The following CPSF1 variants were observed in gnomAD, a reference collection of about 807,000 sequenced individuals.
CPSF1 encodes the protein cleavage and polyadenylation specific factor 1.
CPSF1 carries 106 observed loss-of-function variants against 175.8 expected under a neutral mutation model. The ratio of observed to expected loss-of-function variants is 0.60; its 90% CI spans 0.52 to 0.71. CPSF1 has a LOEUF of 0.71. CPSF1 is among the 30% of genes least tolerant of loss of function. CPSF1 has a pLI of 0.00. For missense variants in CPSF1, 1,734 were observed against 2,022.9 expected, an observed-to-expected ratio of 0.86 and a Z score of 2.74; for synonymous variants, 1,024 against 858.3, an observed-to-expected ratio of 1.19 and a Z score of -3.37.
chr8:144,400,633 G>C (rs2116876794), intron 7 of CPSF1, 38 bp downstream of exon 7: 1 of 1,595,904 alleles, frequency 6.3e-7, no homozygotes, highest in South Asian at 1.1e-5. Context: ...GGCAGCTAGG[G>C]GGCCCACAGT....
Position 144,399,520 on chromosome 8 carries a change from G to A in CPSF1, c.1243-17C>T, listed in dbSNP as rs1554865584. ...AGGCTCTTCCTGTGAGGCAGGAGGG[G>A]CACTGAGTGGCATGCCACAGCAGTG... On this transcript the variant is annotated splice_polypyrimidine_tract_variant and intron_variant, in intron 12 of 37. Coordinates refer to ENST00000616140, the MANE Select transcript of CPSF1 (RefSeq NM_013291.3). This position sits in a 1 kb window ranked among gnomAD's most constrained non-coding sequence, Gnocchi z 6.4. 3 of 1,612,336 alleles carry A rather than the reference G, an allele frequency of 1.9e-6. No homozygotes were observed. The highest frequency in any genetic ancestry group is 2.5e-6 in the Non-Finnish European group (3 of 1,179,656).
In CPSF1 at chr8:144,394,305, G is replaced by C. The variant is rs782679906; in HGVS notation, c.3745-5C>G. The C allele has an allele frequency of 6.3e-7, 1 of 1,586,854 alleles. No individual in the cohort carries two copies. Among genetic ancestry groups the C allele is most frequent in the Non-Finnish European group, 8.6e-7 (1 of 1,164,624 alleles). On this transcript the variant is annotated splice_region_variant and splice_polypyrimidine_tract_variant and intron_variant, in intron 32 of 37. Transcript: ENST00000616140. ...CACCTCCAGGGGCTTGGCATCCTGG[G>C]GGCGGGAAGGGGGCGTCAGAGGTGC...
rs1361022519 is a variant in CPSF1, at chr8:144,401,266, C to A, written c.332G>T (p.Gly111Val). The change falls in exon 5 of 38, where the codon GGC becomes GTC. Residue 111 changes from glycine to valine, a missense_variant. Coordinates refer to ENST00000616140, the MANE Select transcript of CPSF1 (RefSeq NM_013291.3). ...AKLSVVEYDP[G>V]THDLKTLSLH... is the part of the protein sequence containing the mutation. ...TGACAGGGTCTTCAGGTCATGGGTGCCCGGGTCGTACTCCACCACAGACAG... is the reference window on the plus strand; with the variant it reads ...TGACAGGGTCTTCAGGTCATGGGTGACCGGGTCGTACTCCACCACAGACAG... 1 of 1,554,068 alleles carries A rather than the reference C, an allele frequency of 6.4e-7. No individual in the cohort carries two copies. The highest frequency in any genetic ancestry group is 8.7e-7 in the Non-Finnish European group (1 of 1,148,882).
intron 23 of CPSF1, 43 bp downstream of exon 23, chr8:144,397,164 C>T (rs1820825888): frequency 6.7e-7 from 1 of 1,496,900 alleles, no homozygotes; most frequent in Non-Finnish European, 8.9e-7. Context: ...CGGGCAGGGC[C>T]AGGGGGAAGA....
Position 144,393,351 on chromosome 8 carries a change from CA to C in CPSF1, c.4298del (p.Leu1433CysfsTer?). On this transcript the variant is annotated frameshift_variant, in exon 38 of 38. Transcript: ENST00000616140. LOFTEE classifies it high-confidence loss of function. The stretch of plus-strand genomic sequence containing the variant: ...GGGCGGTGACGCGGTCCGTCTCCAG[CA>C]AGTCGTCCAGGATCTGCAGGGGATG... ...GTTPDIILDD[L>X]LETDRVTAHF 7.0e-7 allele frequency: 1 copy of C among 1,433,300 alleles called. No individual in the cohort carries two copies. The highest frequency in any genetic ancestry group is 9.3e-7 in the Non-Finnish European group (1 of 1,079,764). 88.8% of individuals were successfully genotyped at this position (1,433,300 alleles called of 1,614,324 possible). A position where few individuals can be genotyped will look rare whatever the true frequency, so the allele number is the denominator to read the frequency against.
At position 144,393,881 on chromosome 8, in the gene CPSF1, A is replaced by G; in HGVS notation, c.4015+2T>C. 1 of 1,608,884 alleles carries G rather than the reference A, an allele frequency of 6.2e-7. No individual in the cohort carries two copies. Among genetic ancestry groups the G allele is most frequent in the Non-Finnish European group, 8.5e-7 (1 of 1,178,110 alleles). ...CAGACACACCTGCTCCCCCACACTC[A>G]CCAAACCACGTGATGTGCTTATTCT... On this transcript the variant is annotated splice_donor_variant, in intron 35 of 37. Coordinates refer to ENST00000616140, the MANE Select transcript of CPSF1 (RefSeq NM_013291.3). LOFTEE classifies it high-confidence loss of function.
Position 144,398,807 on chromosome 8 carries a change from G to A in CPSF1, c.1610C>T (p.Thr537Ile), listed in dbSNP as rs1554865187. 1.9e-6 allele frequency: 3 copies of A among 1,606,976 alleles called. No individual in the cohort carries two copies. Among genetic ancestry groups the A allele is most frequent in the African/African-American group, 1.3e-5 (1 of 74,952 alleles). ...FELPGCYDMW[T>I]VIAPVRKEEE... is the part of the protein sequence containing the mutation. ...CTCCTTACGCACCGGGGCGATGACT[G>A]TCCACATGTCATAGCAGCCGGGAAG... Residue 537 changes from threonine to isoleucine, a missense_variant, in exon 17 of 38, where the codon ACA becomes ATA. Physicochemically the swap from Thr to Ile is moderately conservative, Grantham distance 89. This residue lies in a region of CPSF1 where 280 missense variants were observed against 349.2 expected (regional missense o/e 0.80). Coordinates refer to ENST00000616140, the MANE Select transcript of CPSF1 (RefSeq NM_013291.3).
intron 2 of CPSF1, among the ~76,000 whole-genome samples, chr8:144,406,653 A>C (rs1031289006): frequency 5.3e-5 from 8 of 152,168 alleles, no homozygotes; most frequent in Non-Finnish European, 1.2e-4. Flanking sequence ...ACTCTTGCAC[A>C]CACCCTCCTG....
rs782241554 is a variant in CPSF1, at chr8:144,393,656, C to G, written c.4145+11G>C. The G allele has an allele frequency of 1.8e-5, 28 of 1,565,040 alleles. No homozygotes were observed. Among genetic ancestry groups the G allele is most frequent in the African/African-American group, 2.7e-5 (2 of 74,398 alleles). Reference sequence around the variant, plus strand: ...GAGGGGGTGCTGCACGGGGGCGGGGCCGGGGCTCACCGGAAGGCGCGGGGG... The same window carrying G: ...GAGGGGGTGCTGCACGGGGGCGGGGGCGGGGCTCACCGGAAGGCGCGGGGG... On this transcript the variant is annotated intron_variant, in intron 36 of 37. Transcript: ENST00000616140.
rs76611928 is a variant in CPSF1, at chr8:144,397,646, G to A, written c.2226C>T (p.Asp742=). 3.6e-4 allele frequency: 556 copies of A among 1,533,526 alleles called. 4 individuals carry two copies. The East Asian group carries it at 0.01, about 28-fold the overall frequency. 95.0% of individuals were successfully genotyped at this position (1,533,526 alleles called of 1,614,324 possible). Residue 742 remains aspartate (D), a synonymous_variant, in exon 22 of 38, where the codon GAC becomes GAT. Transcript: ENST00000616140. The part of the protein sequence containing the change: ...LGSETSPTVD[D]EEEMLYGDSG... ...AATCCCCATACAGCATCTCCTCCTC[G>A]TCATCCACTGTGGGGCTGGGGGCCA...
chr8:144,397,544 G>A lies in CPSF1; in HGVS notation c.2328C>T (p.Pro776=), dbSNP rs1820847633. 1 of 1,564,398 alleles carries A rather than the reference G, an allele frequency of 6.4e-7. No individual in the cohort carries two copies. Among genetic ancestry groups the A allele is most frequent in the South Asian group, 1.2e-5 (1 of 83,664 alleles). ...ACCAGTGGGTAGGCTCTGCCCGGAAGGGTGCAGGGTCCCGGTCAGCAGGGG... is the reference window on the plus strand; with the variant it reads ...ACCAGTGGGTAGGCTCTGCCCGGAAAGGTGCAGGGTCCCGGTCAGCAGGGG... ...SQPPADRDPA[P]FRAEPTHWCL... The change falls in exon 22 of 38, where the codon CCC becomes CCT. Residue 776 remains proline, a synonymous_variant. Transcript: ENST00000616140.
chr8:144,396,843 C>T lies in CPSF1; in HGVS notation c.2679G>A (p.Lys893=), dbSNP rs782456523. The part of the protein sequence containing the change: ...LGQGNLKVRF[K]KVPHNINFRE... ...CCAGCAGTCCAGCCACTGGCACCTT[C>T]TTAAAGCGGACTTTGAGATTGCCCT... is the stretch of plus-strand genomic sequence containing the variant. Residue 893 remains lysine (K), a synonymous_variant, in exon 24 of 38, where the codon AAG becomes AAA. Transcript: ENST00000616140. The T allele has an allele frequency of 1.9e-6, 3 of 1,614,054 alleles. No individual in the cohort carries two copies. Among genetic ancestry groups the T allele is most frequent in the Non-Finnish European group, 1.7e-6 (2 of 1,179,970 alleles).
chr8:144,402,238 C>T (rs1056818558), intron 2 of CPSF1, among the ~76,000 whole-genome samples: 1 of 152,216 alleles, frequency 6.6e-6, no homozygotes, highest in African/African-American at 2.4e-5. Context: ...GCTAGTTTAA[C>T]TAGCTAGCAG....
chr8:144,400,019 A>T lies in CPSF1; in HGVS notation c.1004T>A (p.Met335Lys). The T allele has an allele frequency of 6.2e-7, 1 of 1,611,818 alleles. No individual in the cohort carries two copies. The highest frequency in any genetic ancestry group is 8.5e-7 in the Non-Finnish European group (1 of 1,179,856). Reference sequence around the variant, plus strand: ...CTCGCCGCCCTTGAGGGAGATGACCATCTTGTCGTAGGAGATGAAGGTGGC... The same window carrying T: ...CTCGCCGCCCTTGAGGGAGATGACCTTCTTGTCGTAGGAGATGAAGGTGGC... The part of the protein sequence containing the change: ...AQATFISYDK[M>K]VISLKGGEIY... Residue 335 changes from methionine to lysine, a missense_variant, in exon 10 of 38, where the codon ATG becomes AAG. Coordinates refer to ENST00000616140, the MANE Select transcript of CPSF1 (RefSeq NM_013291.3).
Position 144,393,747 on chromosome 8 carries a change from G to C in CPSF1, c.4065C>G (p.Thr1355=). ...IGLLLPMQEK[T]YRRLLMLQNA... is the part of the protein sequence containing the mutation. ...TCTGCAGCATCAGCAGCCGCCGGTA[G>C]GTCTTCTCCTGCATGGGCAGCAGCA... The change falls in exon 36 of 38, where the codon ACC becomes ACG. Residue 1355 remains threonine, a synonymous_variant. Transcript: ENST00000616140. 1 of 1,584,882 alleles carries C rather than the reference G, an allele frequency of 6.3e-7. No homozygotes were observed. Among genetic ancestry groups the C allele is most frequent in the Non-Finnish European group, 8.5e-7 (1 of 1,171,866 alleles).
Position 144,394,229 on chromosome 8 carries a change from C to A in CPSF1, c.3811+5G>T. The A allele has an allele frequency of 1.2e-6, 2 of 1,606,900 alleles. No homozygotes were observed. Among genetic ancestry groups the A allele is most frequent in the Non-Finnish European group, 8.5e-7 (1 of 1,176,594 alleles). On this transcript the variant is annotated splice_donor_5th_base_variant and intron_variant, in intron 33 of 37. Coordinates refer to ENST00000616140, the MANE Select transcript of CPSF1 (RefSeq NM_013291.3). The stretch of plus-strand genomic sequence containing the variant: ...CCTCAGCTCCCCAGGGCCCTGCCCA[C>A]ATACCCAGAAAACCCAGCTGGGCAT...
Position 144,393,872 on chromosome 8 carries a change from C to G in CPSF1, c.4015+11G>C. 6.2e-7 allele frequency: 1 copy of G among 1,606,844 alleles called. No individual in the cohort carries two copies. The stretch of plus-strand genomic sequence containing the variant: ...CCCCCCACCCAGACACACCTGCTCC[C>G]CCACACTCACCAAACCACGTGATGT... On this transcript the variant is annotated intron_variant, in intron 35 of 37. Coordinates refer to ENST00000616140, the MANE Select transcript of CPSF1 (RefSeq NM_013291.3).
chr8:144,401,034 C>T lies in CPSF1; in HGVS notation c.429G>A (p.Val143=), dbSNP rs1554866750. The T allele has an allele frequency of 1.2e-6, 2 of 1,608,490 alleles. No individual in the cohort carries two copies. The highest frequency in any genetic ancestry group is 1.3e-5 in the African/African-American group (1 of 74,830). ...VQNVHTPRVR[V]DPDGRCAAML... ...TGGCTGCACAGCGCCCGTCGGGGTCCACCCGCACTCGCGGCGTGTGTACAT... is the reference window on the plus strand; with the variant it reads ...TGGCTGCACAGCGCCCGTCGGGGTCTACCCGCACTCGCGGCGTGTGTACAT... Residue 143 remains valine, a synonymous_variant, in exon 6 of 38, where the codon GTG becomes GTA. Coordinates refer to ENST00000616140, the MANE Select transcript of CPSF1 (RefSeq NM_013291.3).
In CPSF1 at chr8:144,396,635, C is replaced by T. The variant is rs781921433; in HGVS notation, c.2789G>A (p.Arg930His). Residue 930 changes from arginine to histidine, a missense_variant, in exon 25 of 38, where the codon CGT becomes CAT. Physicochemically the swap from Arg to His is conservative, Grantham distance 29. Transcript: ENST00000616140. ...EGAGARGRVARFRYFEDIYGY... is the reference protein window; with the variant it reads ...EGAGARGRVAHFRYFEDIYGY... ...ATAAATATCCTCGAAGTAGCGGAAA[C>T]GCGCCACGCGGCCCCGGGCCCCAGC... 19 of 1,613,572 alleles carry T rather than the reference C, an allele frequency of 1.2e-5. No homozygotes were observed. The highest frequency in any genetic ancestry group is 3.3e-5 in the Admixed American group (2 of 59,992).
Sources: gnomAD v4.1 joint callset for allele counts (sites outside exome capture counted in the v4.1 genomes callset) on GRCh38, gnomAD v4.1.1 for gene constraint, gnomAD v4.1.1 regional missense constraint, Gnocchi (gnomAD v3.1) non-coding constraint, MANE v1.5 for transcripts, NCBI Gene and HGNC (gene_info 2026-07-23, HGNC 2026-07-21) for gene names.